Variants in PDZD8 observed in about 807,000 individuals in gnomAD.
The protein encoded by PDZD8 is PDZ domain containing 8.
PDZD8 carries 14 observed loss-of-function variants against 85.8 expected under a neutral mutation model. The observed-to-expected ratio is 0.16, with a 90% CI of 0.11 to 0.26. PDZD8 has a LOEUF of 0.26. PDZD8 is among the 10% of genes least tolerant of loss of function. The pLI, the probability that PDZD8 is intolerant of heterozygous loss-of-function variation, is 1.00. For missense variants in PDZD8, 1,197 were observed against 1,424.3 expected (o/e 0.84, Z 2.57); for synonymous variants, 592 against 568.6 (o/e 1.04, Z -0.59).
At chr10:117,339,273 A>G (rs1242025550) in intron 2 of PDZD8, among the ~76,000 whole-genome samples, 2 of 152,232 alleles carry the variant, frequency 1.3e-5, no homozygotes, top group African/African-American at 4.8e-5. Context: ...GGTTGGAAAT[A>G]AAAGTCATAT....
rs1315849133 is a variant in PDZD8 at position 117,279,439 on chromosome 10, C to G, written c.*3829G>C. 1 of 152,134 alleles carries G rather than the reference C, an allele frequency of 6.6e-6. No individual in the cohort carries two copies. The highest frequency in any genetic ancestry group is 1.5e-5 in the Non-Finnish European group (1 of 68,022). The allele number at this position is 152,134 out of a possible 1,614,324, so 9.4% of individuals were successfully genotyped here. Reference sequence around the variant, plus strand: ...AAATCTTCTGAACCATGTTTTGTGCCTGTTTGTATTCCTTTATAAACCAAA... The same window carrying G: ...AAATCTTCTGAACCATGTTTTGTGCGTGTTTGTATTCCTTTATAAACCAAA... On this transcript the variant is annotated 3_prime_UTR_variant, in exon 5 of 5. Transcript: ENST00000334464.
At chr10:117,347,838 G>A (rs1485372012) in intron 1 of PDZD8, among the ~76,000 whole-genome samples, 2 of 152,124 alleles carry the variant, frequency 1.3e-5, no homozygotes, top group Non-Finnish European at 2.9e-5. Context: ...AGTACGTCCT[G>A]AAGCCACAAG....
chr10:117,347,902 T>G (rs1428296254), intron 1 of PDZD8, among the ~76,000 whole-genome samples: 1 of 152,140 alleles, frequency 6.6e-6, no homozygotes, highest in Non-Finnish European at 1.5e-5. Flanking sequence ...GAGAAATTTA[T>G]AAAGACAGAA....
intron 2 of PDZD8, among the ~76,000 whole-genome samples, chr10:117,321,168 A>G (rs1388537441): frequency 4.6e-5 from 7 of 152,200 alleles, no homozygotes; most frequent in African/African-American, 1.7e-4. Context: ...AAATGAAAGC[A>G]TACATTCATA....
chr10:117,305,884 T>A (rs1261807864), intron 3 of PDZD8, among the ~76,000 whole-genome samples: 1 of 152,154 alleles, frequency 6.6e-6, no homozygotes, highest in Non-Finnish European at 1.5e-5. Context: ...TGGGTTTGAG[T>A]TTTGGCTCTA....
intron 4 of PDZD8, chr10:117,285,847 G>T: frequency 1.6e-6 from 1 of 607,156 alleles, no homozygotes; most frequent in Non-Finnish European, 2.1e-6. Flanking sequence ...TCTATTAATG[G>T]CTAAATCAGA....
At chr10:117,347,825 G>A (rs1844735306) in intron 1 of PDZD8, among the ~76,000 whole-genome samples, 1 of 152,098 alleles carries the variant, frequency 6.6e-6, no homozygotes, top group African/African-American at 2.4e-5. Context: ...AAAACACACA[G>A]CCAGTACGTC....
chr10:117,370,879 C>T (rs1845176726), intron 1 of PDZD8, among the ~76,000 whole-genome samples: 1 of 150,994 alleles, frequency 6.6e-6, no homozygotes, highest in African/African-American at 2.4e-5. Flanking sequence ...ATATCGATGG[C>T]ATGCTTTTAA....
In PDZD8 at chr10:117,277,515, T is replaced by C; in HGVS notation, c.*5753A>G. ...ATGTATTTAATTTTATTAAATATCA[T>C]ACAATATATTTTGATGAAATAGGTA... is the stretch of plus-strand genomic sequence containing the variant. On this transcript the variant is annotated 3_prime_UTR_variant, in exon 5 of 5. Coordinates refer to ENST00000334464, the MANE Select transcript of PDZD8 (RefSeq NM_173791.5). 1 of 227,788 alleles carries C rather than the reference T, an allele frequency of 4.4e-6. No homozygotes were observed. The highest frequency in any genetic ancestry group is 8.8e-5 in the East Asian group (1 of 11,386). The allele number at this position is 227,788 out of a possible 1,614,324, so 14.1% of individuals were successfully genotyped here. A position where few individuals can be genotyped will look rare whatever the true frequency, so the allele number is the denominator to read the frequency against.
intron 3 of PDZD8, among the ~76,000 whole-genome samples, chr10:117,307,267 T>C (rs1377323853): frequency 6.6e-6 from 1 of 152,046 alleles, no homozygotes; most frequent in Non-Finnish European, 1.5e-5. Context: ...TGGGGGAAAA[T>C]TGCCCATACC....
At chr10:117,309,411 T>A (rs527947534) in intron 3 of PDZD8, among the ~76,000 whole-genome samples, 255 of 150,332 alleles carry the variant, frequency 1.7e-3, no homozygotes, top group Admixed American at 3.7e-3. Flanking sequence ...AAAAAAAACA[T>A]AGTAGATCAA....
intron 3 of PDZD8, among the ~76,000 whole-genome samples, chr10:117,317,591 T>C (rs945199424): frequency 1.3e-5 from 2 of 152,188 alleles, no homozygotes; most frequent in African/African-American, 4.8e-5. Context: ...TAATAAAGGA[T>C]ATTGAAAATG....
intron 1 of PDZD8, among the ~76,000 whole-genome samples, chr10:117,371,823 G>T (rs1321922427): frequency 6.6e-6 from 1 of 151,996 alleles, no homozygotes; most frequent in Non-Finnish European, 1.5e-5. Context: ...CACACCTGTG[G>T]TCCTAACTAC....
At chr10:117,335,306 A>C (rs1422600741) in intron 2 of PDZD8, among the ~76,000 whole-genome samples, 1 of 152,208 alleles carries the variant, frequency 6.6e-6, no homozygotes, top group East Asian at 1.9e-4. Context: ...ACATAACAAG[A>C]AGCACTAAAG....
chr10:117,375,036 G>T lies in PDZD8; in HGVS notation c.192C>A (p.Gly64=). 6.3e-7 allele frequency: 1 copy of T among 1,591,386 alleles called. No homozygotes were observed. The part of the protein sequence containing the change: ...LLLREYLYGG[G]RDEEPSGAAP... ...CCGCTCCGGAGGGCTCCTCATCCCG[G>T]CCGCCGCCATAAAGGTACTCCCTTA... Residue 64 remains glycine, a synonymous_variant, in exon 1 of 5, where the codon GGC becomes GGA. Transcript: ENST00000334464.
intron 3 of PDZD8, 108 bp from the exon 4 acceptor site, chr10:117,290,456 A>C: frequency 2.7e-6 from 2 of 735,576 alleles, no homozygotes; most frequent in Non-Finnish European, 4.1e-6. Context: ...GCTGATGCTG[A>C]CTTTTCTATC....
chr10:117,328,532 C>T (rs1202296953), intron 2 of PDZD8, among the ~76,000 whole-genome samples: 1 of 152,134 alleles, frequency 6.6e-6, no homozygotes, highest in Non-Finnish European at 1.5e-5. Flanking sequence ...TCACCTCAGC[C>T]TCTGGAATAA....
intron 2 of PDZD8, among the ~76,000 whole-genome samples, chr10:117,330,905 C>G (rs1282167456): frequency 6.6e-6 from 1 of 152,150 alleles, no homozygotes; most frequent in Non-Finnish European, 1.5e-5. Flanking sequence ...TCTTATGGCT[C>G]TTTTTCCAAT....
At chr10:117,331,781 T>C (rs912828769) in intron 2 of PDZD8, among the ~76,000 whole-genome samples, 1 of 152,180 alleles carries the variant, frequency 6.6e-6, no homozygotes, top group African/African-American at 2.4e-5. Context: ...CTATATTTTG[T>C]AGTATGAAAC....
Sources: allele counts gnomAD v4.1 joint callset (sites outside exome capture counted in the v4.1 genomes callset), GRCh38; gene constraint gnomAD v4.1.1; transcripts MANE v1.5; gene names NCBI Gene and HGNC (gene_info 2026-07-23, HGNC 2026-07-21).